The following SGCZ variants were observed in gnomAD, a reference collection of about 807,000 sequenced individuals.
SGCZ encodes the protein sarcoglycan zeta.
In SGCZ, 40 loss-of-function variants were observed where a neutral mutation model predicts 41.3. The observed-to-expected ratio is 0.97, with a 90% CI of 0.75 to 1.26. SGCZ has a LOEUF of 1.26. Ranked by LOEUF, SGCZ falls within the 50% of genes most tolerant of loss-of-function variation. The probability of loss-of-function intolerance (pLI) is 0.00; values close to 1 mark genes in which losing one functional copy is unlikely to be tolerated. For missense variants in SGCZ, 552 were observed against 369.8 expected (o/e 1.49, Z -4.04); for synonymous variants, 206 against 137.5 (o/e 1.50, Z -3.49).
chr8:15,194,326 G>A (rs1270508072), intron 1 of SGCZ, among the ~76,000 whole-genome samples: 1 of 151,896 alleles, frequency 6.6e-6, no homozygotes, highest in Non-Finnish European at 1.5e-5. Flanking sequence ...TATTCATGGT[G>A]GGCACCAAAA....
intron 2 of SGCZ, among the ~76,000 whole-genome samples, chr8:14,536,534 T>A (rs545483212): frequency 6.6e-6 from 1 of 151,866 alleles, no homozygotes; most frequent in African/African-American, 2.4e-5. Context: ...AATAAAATTT[T>A]AATGAAAAAA....
At chr8:15,129,943 T>C (rs1807840639) in intron 1 of SGCZ, among the ~76,000 whole-genome samples, 1 of 152,052 alleles carries the variant, frequency 6.6e-6, no homozygotes, top group East Asian at 1.9e-4. Context: ...TATATACATA[T>C]ACATATGTAT....
intron 1 of SGCZ, among the ~76,000 whole-genome samples, chr8:15,213,946 T>G (rs1486472015): frequency 6.6e-6 from 1 of 152,034 alleles, no homozygotes; most frequent in Non-Finnish European, 1.5e-5. Context: ...TATTTTGGGG[T>G]TCAGCTGTAC....
At chr8:15,116,513 A>G (rs563585202) in intron 1 of SGCZ, among the ~76,000 whole-genome samples, 1 of 152,322 alleles carries the variant, frequency 6.6e-6, no homozygotes, top group East Asian at 1.9e-4. Flanking sequence ...AGATTTTGTC[A>G]AAGGTCTTTT....
At chr8:14,739,511 T>C (rs1160842367) in intron 1 of SGCZ, among the ~76,000 whole-genome samples, 1 of 152,088 alleles carries the variant, frequency 6.6e-6, no homozygotes, top group African/African-American at 2.4e-5. Flanking sequence ...TCTGTCTCTC[T>C]TTTTTGTTGA....
intron 2 of SGCZ, among the ~76,000 whole-genome samples, chr8:14,386,275 G>C (rs750724462): frequency 6.8e-6 from 1 of 147,758 alleles, no homozygotes; most frequent in African/African-American, 2.5e-5. Flanking sequence ...CAGTATCAAT[G>C]ATAAAAATCT....
intron 5 of SGCZ, among the ~76,000 whole-genome samples, chr8:14,109,387 G>A (rs1457337611): frequency 6.6e-6 from 1 of 152,022 alleles, no homozygotes; most frequent in Non-Finnish European, 1.5e-5. Context: ...CAAATAAGAT[G>A]ACATTGAGAA....
chr8:14,167,701 C>A (rs1283379790), intron 4 of SGCZ, among the ~76,000 whole-genome samples: 1 of 152,110 alleles, frequency 6.6e-6, no homozygotes, highest in Non-Finnish European at 1.5e-5. Flanking sequence ...TATATACATT[C>A]TTAAAAGAAC....
chr8:14,793,873 C>T (rs1288897632), intron 1 of SGCZ, among the ~76,000 whole-genome samples: 1 of 152,094 alleles, frequency 6.6e-6, no homozygotes, highest in Non-Finnish European at 1.5e-5. Flanking sequence ...CATATCAATA[C>T]ATGAGAAATG....
At chr8:14,700,138 A>G (rs1180656625) in intron 1 of SGCZ, among the ~76,000 whole-genome samples, 1 of 151,990 alleles carries the variant, frequency 6.6e-6, no homozygotes, top group East Asian at 1.9e-4. Context: ...CCATTCTACC[A>G]AAAAGATACA....
intron 2 of SGCZ, among the ~76,000 whole-genome samples, chr8:14,368,020 C>T (rs1208866884): frequency 6.6e-6 from 1 of 151,952 alleles, no homozygotes; most frequent in Non-Finnish European, 1.5e-5. Context: ...TTAATTTATT[C>T]ACAAAACAGA....
intron 1 of SGCZ, among the ~76,000 whole-genome samples, chr8:14,741,808 C>CA (rs1475471598): frequency 6.6e-6 from 1 of 151,916 alleles, no homozygotes; most frequent in Non-Finnish European, 1.5e-5. Flanking sequence ...TATAGATAGA[C>CA]AATTATGTCG....
intron 1 of SGCZ, among the ~76,000 whole-genome samples, chr8:15,114,920 A>C (rs980167783): frequency 6.6e-6 from 1 of 152,126 alleles, no homozygotes; most frequent in Non-Finnish European, 1.5e-5. Context: ...AAAATTTTTC[A>C]TTCAAAATCA....
chr8:15,104,164 G>T lies in SGCZ; in HGVS notation c.39+133421C>A, dbSNP rs147937151. 1.2e-4 allele frequency among the ~76,000 whole-genome samples: 18 copies of T among 152,250 alleles called. 1 individual carries two copies. In the East Asian group the frequency reaches 3.5e-3, roughly 29 times the overall value. Reference sequence around the variant, plus strand: ...TGGATGTGCCCCCAACTTATCAAATGGTTCTGGTTTCAATAACTCTGTTTT... The same window carrying T: ...TGGATGTGCCCCCAACTTATCAAATTGTTCTGGTTTCAATAACTCTGTTTT... On this transcript the variant is annotated intron_variant, in intron 1 of 7. Transcript: ENST00000382080.
At chr8:14,100,598 TATTA>T (rs1353136118) in intron 7 of SGCZ, among the ~76,000 whole-genome samples, 2 of 138,722 alleles carry the variant, frequency 1.4e-5, no homozygotes, top group Non-Finnish European at 3.1e-5. Context: ...TATTATATTT[TATTA>T]ATTTATATTA....
intron 2 of SGCZ, among the ~76,000 whole-genome samples, chr8:14,377,499 TTTATTA>T (rs1200252685): frequency 6.6e-6 from 1 of 152,050 alleles, no homozygotes; most frequent in Non-Finnish European, 1.5e-5. Flanking sequence ...TTGATTTTTT[TTTATTA>T]TTTTTATTTT....
At chr8:15,139,890 C>G (rs186430500) in intron 1 of SGCZ, among the ~76,000 whole-genome samples, 109 of 152,300 alleles carry the variant, frequency 7.2e-4, no homozygotes, top group Admixed American at 7.1e-3. Context: ...GACATCTAAA[C>G]AGCCACTGTC....
At chr8:14,872,381 A>T (rs1380562326) in intron 1 of SGCZ, among the ~76,000 whole-genome samples, 1 of 152,086 alleles carries the variant, frequency 6.6e-6, no homozygotes, top group Non-Finnish European at 1.5e-5. Context: ...CAAATAATCA[A>T]AATTATTAGT....
intron 1 of SGCZ, among the ~76,000 whole-genome samples, chr8:14,852,629 G>A (rs999932072): frequency 3.9e-5 from 6 of 152,014 alleles, no homozygotes; most frequent in Non-Finnish European, 5.9e-5. Flanking sequence ...TTCCCTGCAC[G>A]CCAGATGCCT....
Sources: allele counts gnomAD v4.1 joint callset (sites outside exome capture counted in the v4.1 genomes callset), GRCh38; gene constraint gnomAD v4.1.1; transcripts MANE v1.5; gene names NCBI Gene and HGNC (gene_info 2026-07-23, HGNC 2026-07-21).